The following DOCK4 variants were observed in gnomAD, a reference collection of about 807,000 sequenced individuals.
DOCK4 encodes the protein dedicator of cytokinesis 4.
A neutral mutation model predicts 268.1 loss-of-function variants in DOCK4; 97 were observed. The ratio of observed to expected loss-of-function variants is 0.36; its 90% CI spans 0.31 to 0.43. The LOEUF (loss-of-function observed/expected upper bound fraction) is 0.43, where lower values mean the gene tolerates loss of function less well. DOCK4 is among the 20% of genes least tolerant of loss of function. DOCK4 has a pLI of 1.00. For missense variants in DOCK4, 2,145 were observed against 2,455.7 expected (o/e 0.87, Z 2.67); for synonymous variants, 954 against 887.2 (o/e 1.08, Z -1.34).
intron 42 of DOCK4, among the ~76,000 whole-genome samples, chr7:111,753,876 C>T (rs199926864): frequency 6.6e-6 from 1 of 152,174 alleles, no homozygotes; most frequent in Admixed American, 6.5e-5. Context: ...TTTGACAGAA[C>T]ATAAGATTAC....
chr7:112,106,899 G>A (rs1357876583), intron 1 of DOCK4, among the ~76,000 whole-genome samples: 1 of 152,192 alleles, frequency 6.6e-6, no homozygotes, highest in Non-Finnish European at 1.5e-5. Flanking sequence ...AAGCAGAGAA[G>A]CCTAGTATTC....
intron 1 of DOCK4, among the ~76,000 whole-genome samples, chr7:112,114,819 G>A (rs902332816): frequency 5.3e-5 from 8 of 152,146 alleles, no homozygotes; most frequent in African/African-American, 1.9e-4. Flanking sequence ...TAAGTAGCCA[G>A]AAGTTTTCCC....
intron 40 of DOCK4, 56 bp downstream of exon 40, chr7:111,760,125 C>G: frequency 6.3e-7 from 1 of 1,593,016 alleles, no homozygotes; most frequent in Non-Finnish European, 8.6e-7. Context: ...TGGAAATGCT[C>G]TGCAGCTAAG....
intron 12 of DOCK4, among the ~76,000 whole-genome samples, chr7:111,920,672 A>G (rs1324822273): frequency 6.6e-6 from 1 of 152,212 alleles, no homozygotes; most frequent in Non-Finnish European, 1.5e-5. Flanking sequence ...CACTCTGAGC[A>G]GCAGTAACTT....
rs532717921 is a variant in DOCK4 at position 112,159,658 on chromosome 7, C to T, written c.37+46444G>A. On this transcript the variant is annotated intron_variant, in intron 1 of 52. Coordinates refer to ENST00000428084, the MANE Select transcript of DOCK4 (RefSeq NM_001363540.2). ...CTGTTGGGATCTAGCACTTATATGA[C>T]CCTCCTACCCCAGACGCTTTCCCTA... Among the ~76,000 whole-genome samples, 8 of 152,080 alleles carry T rather than the reference C, an allele frequency of 5.3e-5. No homozygotes were observed. The South Asian group carries it at 1.7e-3, about 32-fold the overall frequency.
At chr7:112,145,564 A>T (rs1330719696) in intron 1 of DOCK4, among the ~76,000 whole-genome samples, 1 of 152,234 alleles carries the variant, frequency 6.6e-6, no homozygotes, top group Non-Finnish European at 1.5e-5. Flanking sequence ...GAGAAATTCC[A>T]AACGGACATA....
intron 1 of DOCK4, among the ~76,000 whole-genome samples, chr7:112,106,744 G>C (rs2115590040): frequency 6.6e-6 from 1 of 152,318 alleles, no homozygotes; most frequent in South Asian, 2.1e-4. Context: ...GTTGAATGCA[G>C]AGAATGAAGA....
At chr7:112,174,992 G>C (rs1818384002) in intron 1 of DOCK4, among the ~76,000 whole-genome samples, 1 of 144,524 alleles carries the variant, frequency 6.9e-6, no homozygotes, top group Admixed American at 7.1e-5. Flanking sequence ...CCAGGCTGGA[G>C]TGCAGTGGCG....
chr7:111,804,234 C>T (rs1365605036), intron 30 of DOCK4, among the ~76,000 whole-genome samples: 1 of 152,186 alleles, frequency 6.6e-6, no homozygotes, highest in Non-Finnish European at 1.5e-5. Context: ...GTGGTATATC[C>T]ATACGACAGA....
At chr7:111,788,952 T>A in intron 31 of DOCK4, 2 of 589,010 alleles carry the variant, frequency 3.4e-6, no homozygotes, top group Non-Finnish European at 6.1e-6. Flanking sequence ...CACTCCTGGC[T>A]GGGTAGCGTT....
intron 1 of DOCK4, among the ~76,000 whole-genome samples, chr7:112,160,193 C>A (rs542475243): frequency 6.6e-6 from 1 of 152,288 alleles, no homozygotes; most frequent in East Asian, 1.9e-4. Flanking sequence ...CCAAGTATAT[C>A]CGACTCTGTG....
At chr7:112,169,156 C>A (rs1817861841) in intron 1 of DOCK4, among the ~76,000 whole-genome samples, 1 of 152,164 alleles carries the variant, frequency 6.6e-6, no homozygotes, top group Non-Finnish European at 1.5e-5. Context: ...TTCACTCTCT[C>A]CTGTTCCAGC....
intron 12 of DOCK4, among the ~76,000 whole-genome samples, chr7:111,921,265 T>C (rs1032781964): frequency 1.3e-5 from 2 of 152,194 alleles, no homozygotes; most frequent in African/African-American, 4.8e-5. Context: ...CAACATATGA[T>C]TCATGATTAA....
chr7:111,794,417 C>T (rs553303906), intron 30 of DOCK4, among the ~76,000 whole-genome samples: 2 of 152,188 alleles, frequency 1.3e-5, no homozygotes, highest in East Asian at 1.9e-4. Context: ...ATGGGGGAAA[C>T]CTGTGGCAAA....
At chr7:112,048,389 C>CAAAAAAAAAAAAAAAAAAAA in intron 1 of DOCK4, among the ~76,000 whole-genome samples, 1 of 72,134 alleles carries the variant, frequency 1.4e-5, no homozygotes, top group Non-Finnish European at 3.3e-5. Context: ...ACTAAAAATA[C>CAAAAAAAAAAAAAAAAAAAA]AAAAAAAAAA....
chr7:111,888,735 C>G (rs577985749), intron 16 of DOCK4, among the ~76,000 whole-genome samples: 1 of 152,278 alleles, frequency 6.6e-6, no homozygotes, highest in African/African-American at 2.4e-5. Flanking sequence ...ATCTTCCCCC[C>G]TCTTCCTCAC....
At chr7:112,127,482 G>A (rs1388206451) in intron 1 of DOCK4, among the ~76,000 whole-genome samples, 4 of 150,372 alleles carry the variant, frequency 2.7e-5, no homozygotes, top group Admixed American at 2.0e-4. Context: ...AATGGGTGCA[G>A]CACACCAGCA....
intron 12 of DOCK4, among the ~76,000 whole-genome samples, chr7:111,916,772 T>C (rs1260161163): frequency 6.6e-6 from 1 of 152,102 alleles, no homozygotes; most frequent in Non-Finnish European, 1.5e-5. Flanking sequence ...TTTATCTTCT[T>C]ATGTTTTAAT....
chr7:111,753,472 C>A (rs1388679237), intron 42 of DOCK4, among the ~76,000 whole-genome samples: 13 of 152,010 alleles, frequency 8.6e-5, no homozygotes, highest in African/African-American at 2.7e-4. Context: ...AAGACCCAGT[C>A]TCAAAAACAA....
Sources: allele counts gnomAD v4.1 joint callset (sites outside exome capture counted in the v4.1 genomes callset), GRCh38; gene constraint gnomAD v4.1.1; transcripts MANE v1.5; gene names NCBI Gene and HGNC (gene_info 2026-07-23, HGNC 2026-07-21).